Variants in CLNK observed in about 807,000 individuals in gnomAD.
The protein encoded by CLNK is cytokine dependent hematopoietic cell linker, also known as cytokine-dependent hematopoietic cell linker.
Under a neutral mutation model 68.6 loss-of-function variants are expected in CLNK, and 74 were observed. The observed-to-expected ratio is 1.08, with a 90% CI of 0.89 to 1.31. The LOEUF is 1.31. CLNK is among the 50% of genes most tolerant of loss of function. The pLI, the probability that CLNK is intolerant of heterozygous loss-of-function variation, is 0.00. For missense variants in CLNK, 553 were observed against 515.3 expected, an observed-to-expected ratio of 1.07 and a Z score of -0.71; for synonymous variants, 198 against 172.2, an observed-to-expected ratio of 1.15 and a Z score of -1.17.
chr4:10,645,688 T>G (rs1171313784), intron 2 of CLNK, among the ~76,000 whole-genome samples: 5 of 152,176 alleles, frequency 3.3e-5, no homozygotes, highest in Admixed American at 3.3e-4. Context: ...ACTGTATGTG[T>G]AGACACCTCC....
At chr4:10,689,283 A>G (rs1386077530), upstream of CLNK, among the ~76,000 whole-genome samples, 1 of 151,890 alleles carries the variant, frequency 6.6e-6, no homozygotes, top group African/African-American at 2.4e-5. Context: ...TGCAGGCACA[A>G]GACACTGTAC....
chr4:10,693,458 G>C, the CLNK span, among the ~76,000 whole-genome samples: 1 of 152,228 alleles, frequency 6.6e-6, no homozygotes, highest in Non-Finnish European at 1.5e-5. Flanking sequence ...TGGGAAGACA[G>C]AGGCAGATAT....
At chr4:10,699,278 C>CACACACCACGTATGTGTGTATACACA in the CLNK span, among the ~76,000 whole-genome samples, 1 of 101,084 alleles carries the variant, frequency 9.9e-6, no homozygotes, top group African/African-American at 4.0e-5. Context: ...CACACACACA[C>CACACACCACGTATGTGTGTATACACA]CACATACGTG....
At chr4:10,653,248 G>A (rs1355108666) in intron 2 of CLNK, among the ~76,000 whole-genome samples, 2 of 152,036 alleles carry the variant, frequency 1.3e-5, no homozygotes, top group South Asian at 2.1e-4. Context: ...TAGATGACAG[G>A]TTGATGGGTG....
At chr4:10,576,129 G>T (rs562285503) in intron 4 of CLNK, among the ~76,000 whole-genome samples, 2 of 152,300 alleles carry the variant, frequency 1.3e-5, no homozygotes, top group East Asian at 3.9e-4. Flanking sequence ...GAACATGTCA[G>T]AACCGGGAAG....
intron 1 of CLNK, among the ~76,000 whole-genome samples, chr4:10,683,377 G>A (rs1725160127): frequency 6.6e-6 from 1 of 152,190 alleles, no homozygotes; most frequent in South Asian, 2.1e-4. Context: ...AGGGCTTGTT[G>A]GGAATAACAA....
chr4:10,521,721 G>A (rs1408091610), intron 14 of CLNK, among the ~76,000 whole-genome samples: 2 of 152,142 alleles, frequency 1.3e-5, no homozygotes, highest in Admixed American at 6.5e-5. Flanking sequence ...TGCTGTCACC[G>A]CCAGTCAGAC....
chr4:10,570,704 T>C (rs1345121540), intron 5 of CLNK, among the ~76,000 whole-genome samples: 1 of 152,208 alleles, frequency 6.6e-6, no homozygotes, highest in African/African-American at 2.4e-5. Flanking sequence ...CAATCATACA[T>C]CTGCCTATCT....
At chr4:10,642,001 T>C (rs909705272) in intron 2 of CLNK, among the ~76,000 whole-genome samples, 2 of 152,202 alleles carry the variant, frequency 1.3e-5, no homozygotes, top group African/African-American at 2.4e-5. Flanking sequence ...TATGTGGAAC[T>C]GTTAGTCCAT....
At chr4:10,602,249 A>G (rs541850481) in intron 2 of CLNK, among the ~76,000 whole-genome samples, 44 of 152,312 alleles carry the variant, frequency 2.9e-4, no homozygotes, top group African/African-American at 9.4e-4. Context: ...TTTTTCATGT[A>G]GACCTAATAG....
At chr4:10,493,498 C>G (rs919337275) in intron 18 of CLNK, among the ~76,000 whole-genome samples, 1 of 152,136 alleles carries the variant, frequency 6.6e-6, no homozygotes, top group Non-Finnish European at 1.5e-5. Flanking sequence ...GCAATGCACT[C>G]TTTTACAAGG....
At chr4:10,558,604 T>A (rs1719768375) in intron 7 of CLNK, among the ~76,000 whole-genome samples, 152 bp from the exon 8 acceptor site, 1 of 152,218 alleles carries the variant, frequency 6.6e-6, no homozygotes, top group Non-Finnish European at 1.5e-5. Flanking sequence ...TCAACAAACA[T>A]GTATAAATAC....
chr4:10,564,104 CTTT>C (rs371222469), intron 7 of CLNK, among the ~76,000 whole-genome samples: 4 of 135,818 alleles, frequency 2.9e-5, no homozygotes, highest in Admixed American at 1.5e-4. Flanking sequence ...TAGATTTTTT[CTTT>C]TTTTTTTTTT....
chr4:10,569,620 G>A (rs1720263235), intron 5 of CLNK, among the ~76,000 whole-genome samples: 1 of 152,180 alleles, frequency 6.6e-6, no homozygotes, highest in African/African-American at 2.4e-5. Context: ...CTGAACACTA[G>A]ACTGGCAGGA....
chr4:10,727,568 T>C, the CLNK span, among the ~76,000 whole-genome samples: 2 of 152,026 alleles, frequency 1.3e-5, no homozygotes, highest in African/African-American at 2.4e-5. Context: ...ACAGCACTTA[T>C]TGAAATAAAG....
chr4:10,611,941 C>T (rs1005421815), intron 2 of CLNK, among the ~76,000 whole-genome samples: 2 of 152,194 alleles, frequency 1.3e-5, no homozygotes, highest in African/African-American at 4.8e-5. Context: ...CCACTCTCTC[C>T]CTACAGCCCC....
chr4:10,575,514 G>A (rs1442713938), intron 4 of CLNK, among the ~76,000 whole-genome samples: 1 of 152,272 alleles, frequency 6.6e-6, no homozygotes. Flanking sequence ...CACCTGGTAT[G>A]GCAGTGAGAA....
intron 8 of CLNK, among the ~76,000 whole-genome samples, chr4:10,558,048 TAATC>T (rs1719742390): frequency 6.6e-6 from 1 of 152,236 alleles, no homozygotes; most frequent in Non-Finnish European, 1.5e-5. Flanking sequence ...TCATATTAAT[TAATC>T]AATGTTTTAA....
intron 2 of CLNK, among the ~76,000 whole-genome samples, chr4:10,643,213 G>C (rs970830622): frequency 1.3e-5 from 2 of 152,150 alleles, no homozygotes; most frequent in African/African-American, 4.8e-5. Flanking sequence ...TCCTCCCTGT[G>C]ATGGCTGCAG....
Sources: allele counts gnomAD v4.1 joint callset (sites outside exome capture counted in the v4.1 genomes callset), GRCh38; gene constraint gnomAD v4.1.1; transcripts MANE v1.5; gene names NCBI Gene and HGNC (gene_info 2026-07-23, HGNC 2026-07-21).